HDHD2: variants seen among roughly 807,000 people sequenced by gnomAD.
The protein encoded by HDHD2 is haloacid dehalogenase like hydrolase domain containing 2.
In HDHD2, 26 loss-of-function variants were observed where a neutral mutation model predicts 24.8. That is an observed-to-expected ratio of 1.05 (90% CI 0.77 to 1.45). HDHD2 has a LOEUF of 1.45. Ranked by LOEUF, HDHD2 falls within the 40% of genes most tolerant of loss-of-function variation. HDHD2 has a pLI of 0.00. For missense variants in HDHD2, 299 were observed against 313.4 expected, an observed-to-expected ratio of 0.95 and a Z score of 0.35; for synonymous variants, 128 against 114.9, an observed-to-expected ratio of 1.11 and a Z score of -0.73.
At chr18:47,127,983 A>G (rs2063676401) in intron 4 of HDHD2, among the ~76,000 whole-genome samples, 1 of 152,124 alleles carries the variant, frequency 6.6e-6, no homozygotes, top group Admixed American at 6.5e-5. Context: ...AGATGTCTGT[A>G]TTTGCCACAT....
intron 1 of HDHD2, among the ~76,000 whole-genome samples, chr18:47,138,050 C>G (rs2063783408): frequency 6.6e-6 from 1 of 151,520 alleles, no homozygotes; most frequent in African/African-American, 2.4e-5. Context: ...CCTGTAATCC[C>G]AGCTACTAGG....
At chr18:47,148,994 G>A (rs2635044) in intron 1 of HDHD2, 2 of 152,260 alleles carry the variant, frequency 1.3e-5, no homozygotes, top group East Asian at 3.9e-4. Flanking sequence ...CATTGCTAAT[G>A]TAGAAATAAT....
chr18:47,118,542 GGA>G (rs1324411932), intron 4 of HDHD2, among the ~76,000 whole-genome samples: 3 of 152,122 alleles, frequency 2.0e-5, no homozygotes, highest in Non-Finnish European at 4.4e-5. Flanking sequence ...GAGAAGACAT[GGA>G]CACAGGGAGG....
At chr18:47,124,429 G>T (rs998742300) in intron 4 of HDHD2, among the ~76,000 whole-genome samples, 1 of 152,102 alleles carries the variant, frequency 6.6e-6, no homozygotes, top group Non-Finnish European at 1.5e-5. Context: ...CTCTAAGGCC[G>T]GGCGCAGTGG....
intron 1 of HDHD2, among the ~76,000 whole-genome samples, chr18:47,140,503 T>C (rs561302859): frequency 2.6e-5 from 4 of 152,296 alleles, no homozygotes; most frequent in Admixed American, 6.5e-5. Flanking sequence ...GTTTTTGTCT[T>C]ATATCCTTTA....
chr18:47,150,239 G>A (rs2063917576), intron 1 of HDHD2, 139 bp downstream of exon 1: 3 of 152,450 alleles, frequency 2.0e-5, no homozygotes, highest in Admixed American at 1.3e-4. Context: ...AATGCGCACA[G>A]AGCAAGAGCG....
chr18:47,121,753 T>C (rs577846155), intron 4 of HDHD2, among the ~76,000 whole-genome samples: 6 of 152,320 alleles, frequency 3.9e-5, no homozygotes, highest in East Asian at 1.9e-4. Context: ...TTTCCCATTA[T>C]TGACTGAGCT....
intron 1 of HDHD2, among the ~76,000 whole-genome samples, chr18:47,149,619 T>C (rs2063909674): frequency 6.6e-6 from 1 of 152,158 alleles, no homozygotes; most frequent in African/African-American, 2.4e-5. Context: ...TGCGGGACTT[T>C]TGTCTGCAAC....
At chr18:47,142,430 T>C (rs1462206927) in intron 1 of HDHD2, among the ~76,000 whole-genome samples, 1 of 152,130 alleles carries the variant, frequency 6.6e-6, no homozygotes, top group Admixed American at 6.6e-5. Context: ...AGGAGATTCC[T>C]ACTGGAGAAG....
chr18:47,135,327 T>C (rs1309462276), intron 2 of HDHD2, among the ~76,000 whole-genome samples: 2 of 149,928 alleles, frequency 1.3e-5, no homozygotes, highest in Non-Finnish European at 3.0e-5. Flanking sequence ...AATGGCACGA[T>C]CTCAGCGCAC....
At chr18:47,129,012 T>C (rs568988612) in intron 4 of HDHD2, among the ~76,000 whole-genome samples, 4 of 149,318 alleles carry the variant, frequency 2.7e-5, no homozygotes, top group East Asian at 3.9e-4. Context: ...TTTTTTTTTA[T>C]AGCATTCTTG....
chr18:47,135,145 G>C (rs1283924973), intron 2 of HDHD2, among the ~76,000 whole-genome samples: 1 of 151,844 alleles, frequency 6.6e-6, no homozygotes, highest in Non-Finnish European at 1.5e-5. Context: ...AGATATATAA[G>C]TATGTATTTC....
At chr18:47,122,443 T>A (rs1234470967) in intron 4 of HDHD2, among the ~76,000 whole-genome samples, 1 of 152,044 alleles carries the variant, frequency 6.6e-6, no homozygotes, top group African/African-American at 2.4e-5. Context: ...CCACCACCCC[T>A]CTCCCTCAGT....
chr18:47,124,249 G>C (rs115239694), intron 4 of HDHD2, among the ~76,000 whole-genome samples: 3 of 152,162 alleles, frequency 2.0e-5, no homozygotes, highest in Non-Finnish European at 4.4e-5. Context: ...CTTGGGGTAA[G>C]CAAAGATTTC....
At position 47,115,251 on chromosome 18, in the gene HDHD2, C is replaced by CTT. The variant is rs1568044068; in HGVS notation, c.492_493insAA (p.Ala165LysfsTer3). The CTT allele has an allele frequency of 6.2e-6, 10 of 1,614,010 alleles. No homozygotes were observed. Among genetic ancestry groups the CTT allele is most frequent in the Non-Finnish European group, 8.5e-6 (10 of 1,179,904 alleles). ...TTGGTATCTGTGGCATACTCTAAAG[C>CTT]AGTCACAAATGGTCCAGGCCCCAGG... On this transcript the variant is annotated frameshift_variant, in exon 5 of 7. Transcript: ENST00000300605. LOFTEE classifies it high-confidence loss of function.
chr18:47,134,745 C>T (rs2063747542), intron 2 of HDHD2, 41 bp from the exon 3 acceptor site: 2 of 1,484,708 alleles, frequency 1.3e-6, no homozygotes, highest in Non-Finnish European at 9.3e-7. Flanking sequence ...GCAGCTTTTA[C>T]ATTCTGGCCC....
At chr18:47,119,030 A>T (rs1391924798) in intron 4 of HDHD2, among the ~76,000 whole-genome samples, 1 of 151,778 alleles carries the variant, frequency 6.6e-6, no homozygotes, top group Non-Finnish European at 1.5e-5. Context: ...CATTGTGTCT[A>T]AAAAAAAGTA....
chr18:47,148,818 T>A (rs1254970887), intron 1 of HDHD2, among the ~76,000 whole-genome samples: 2 of 152,338 alleles, frequency 1.3e-5, no homozygotes, highest in East Asian at 3.9e-4. Flanking sequence ...TCCTCTCTAC[T>A]TTGCATCTCC....
intron 3 of HDHD2, 90 bp downstream of exon 3, chr18:47,134,406 C>A: frequency 1.1e-6 from 1 of 906,398 alleles, no homozygotes; most frequent in Non-Finnish European, 1.7e-6. Context: ...ACGGGGAAAT[C>A]AGAATAAACA....
Sources: allele counts gnomAD v4.1 joint callset (sites outside exome capture counted in the v4.1 genomes callset), GRCh38; gene constraint gnomAD v4.1.1; transcripts MANE v1.5; gene names NCBI Gene and HGNC (gene_info 2026-07-23, HGNC 2026-07-21).